VPS45: variants seen among roughly 807,000 people sequenced by gnomAD.
VPS45 encodes the protein vacuolar protein sorting 45 homolog, also known as vacuolar protein sorting-associated protein 45.
A neutral mutation model predicts 75.9 loss-of-function variants in VPS45; 35 were observed. The ratio of observed to expected loss-of-function variants is 0.46; its 90% CI spans 0.35 to 0.61. The LOEUF (loss-of-function observed/expected upper bound fraction) is 0.61, where lower values mean the gene tolerates loss of function less well. Among genes scored for constraint, VPS45 ranks in the 20% least tolerant of loss-of-function variants. The pLI is 0.00. For synonymous variants in VPS45, 220 were observed against 238.2 expected (o/e 0.92, Z 0.70); for missense variants, 559 against 685.9 (o/e 0.81, Z 2.07).
In VPS45 at chr1:150,070,071, C is replaced by T. The variant is rs181015876; in HGVS notation, c.228+1307C>T. 6.0e-4 allele frequency among the ~76,000 whole-genome samples: 91 copies of T among 152,256 alleles called. 1 individual carries two copies. The highest frequency in any genetic ancestry group is 1.1e-3 in the Non-Finnish European group (78 of 68,020). ...TCATGCCACGGGACGTTTGCATAGT[C>T]TTCTTCCTCTGCCTGGAACTTAACT... On this transcript the variant is annotated intron_variant, in intron 2 of 14. Coordinates refer to ENST00000644510, the MANE Select transcript of VPS45 (RefSeq NM_007259.5).
At chr1:150,111,539 T>C (rs1553807174) in intron 14 of VPS45, among the ~76,000 whole-genome samples, 2 of 152,122 alleles carry the variant, frequency 1.3e-5, no homozygotes, top group Admixed American at 6.5e-5. Context: ...GAGGATTAAT[T>C]TGGCAGCTAA....
intron 10 of VPS45, among the ~76,000 whole-genome samples, chr1:150,087,639 G>A (rs1053603368): frequency 6.6e-6 from 1 of 152,114 alleles, no homozygotes; most frequent in South Asian, 2.1e-4. Flanking sequence ...GAAGTCAAAG[G>A]ATAAAGTGGG....
intron 3 of VPS45, among the ~76,000 whole-genome samples, chr1:150,072,823 C>CA (rs879964423): frequency 3.5e-4 from 49 of 139,934 alleles, no homozygotes; most frequent in East Asian, 6.1e-4. Flanking sequence ...TCACCCCTGC[C>CA]AAAAAAAAAA....
At chr1:150,101,587 A>C (rs587670149) in intron 13 of VPS45, among the ~76,000 whole-genome samples, 35 of 151,990 alleles carry the variant, frequency 2.3e-4, no homozygotes, top group African/African-American at 8.4e-4. Context: ...TACAAAAATT[A>C]GCCAGGCCTG....
chr1:150,068,413 T>G, intron 1 of VPS45: 1 of 416,182 alleles, frequency 2.4e-6, no homozygotes, highest in Non-Finnish European at 4.2e-6. Context: ...AAAGAGACCA[T>G]GTTTTTTGTT....
intron 13 of VPS45, among the ~76,000 whole-genome samples, chr1:150,097,340 C>T (rs1281659467): frequency 4.0e-5 from 6 of 151,578 alleles, no homozygotes; most frequent in Non-Finnish European, 7.4e-5. Flanking sequence ...CGCCTCACCT[C>T]GTGATCCGCC....
At chr1:150,071,477 T>C (rs1249095790) in intron 2 of VPS45, among the ~76,000 whole-genome samples, 4 of 152,164 alleles carry the variant, frequency 2.6e-5, no homozygotes, top group African/African-American at 9.7e-5. Context: ...ATAGACACAT[T>C]TAATGCTCTA....
At chr1:150,139,514 A>G (rs1431095117) in intron 14 of VPS45, among the ~76,000 whole-genome samples, 1 of 151,974 alleles carries the variant, frequency 6.6e-6, no homozygotes, top group East Asian at 1.9e-4. Context: ...GTAGCATTTT[A>G]TTCCTCTTCA....
intron 14 of VPS45, among the ~76,000 whole-genome samples, chr1:150,141,275 A>G (rs1227332312): frequency 6.6e-6 from 1 of 152,086 alleles, no homozygotes; most frequent in Non-Finnish European, 1.5e-5. Context: ...TTTTTTAATT[A>G]TTATAACACT....
Position 150,076,189 on chromosome 1 carries a change from C to T in VPS45, c.290-44C>T, listed in dbSNP as rs375217721. The T allele has an allele frequency of 1.7e-4, 259 of 1,508,564 alleles. 1 individual carries two copies. Among genetic ancestry groups the T allele is most frequent in the Admixed American group, 3.8e-4 (21 of 55,400 alleles). The allele number at this position is 1,508,564 out of a possible 1,614,324, so 93.4% of individuals were successfully genotyped here. ...TCAGGCCCTTTTACATATATTGCAG[C>T]AGAAATTATCTCCTTTGAGTCAACC... On this transcript the variant is annotated intron_variant, in intron 3 of 14. Coordinates refer to ENST00000644510, the MANE Select transcript of VPS45 (RefSeq NM_007259.5).
At chr1:150,138,859 C>G (rs188882451) in intron 14 of VPS45, among the ~76,000 whole-genome samples, 1 of 152,276 alleles carries the variant, frequency 6.6e-6, no homozygotes, top group East Asian at 1.9e-4. Flanking sequence ...CTCCCTCCGA[C>G]TTCCCACCTC....
Position 150,077,237 on chromosome 1 carries a change from G to A in VPS45, c.576+6G>A, listed in dbSNP as rs782813809. ...GACTTGCAGAGTGCGTTAAGGTATG[G>A]CATTACCTATTCCTGGTTCCAAAAC... On this transcript the variant is annotated splice_donor_region_variant and intron_variant, in intron 6 of 14. Coordinates refer to ENST00000644510, the MANE Select transcript of VPS45 (RefSeq NM_007259.5). The A allele has an allele frequency of 6.2e-7, 1 of 1,606,004 alleles. No individual in the cohort carries two copies. Among genetic ancestry groups the A allele is most frequent in the East Asian group, 2.2e-5 (1 of 44,832 alleles).
At chr1:150,106,504 T>C (rs1553805771) in intron 13 of VPS45, among the ~76,000 whole-genome samples, 1 of 152,098 alleles carries the variant, frequency 6.6e-6, no homozygotes, top group African/African-American at 2.4e-5. Context: ...GAAATGCAAA[T>C]GAAAACCACA....
At chr1:150,097,166 C>T (rs2101578258) in intron 13 of VPS45, among the ~76,000 whole-genome samples, 1 of 150,236 alleles carries the variant, frequency 6.7e-6, no homozygotes, top group East Asian at 2.0e-4. Flanking sequence ...CGGCTCACTG[C>T]AATCCCCGCC....
At chr1:150,081,568 T>G in intron 8 of VPS45, 92 bp downstream of exon 8, 1 of 1,430,234 alleles carries the variant, frequency 7.0e-7, no homozygotes, top group Non-Finnish European at 9.5e-7. Flanking sequence ...GGCATGGGAT[T>G]TCATGTGAAA....
chr1:150,075,744 T>C (rs1413539660), intron 3 of VPS45, among the ~76,000 whole-genome samples: 1 of 152,138 alleles, frequency 6.6e-6, no homozygotes, highest in Non-Finnish European at 1.5e-5. Context: ...CTTACTTCCC[T>C]AGTATTCTCA....
At chr1:150,131,703 A>T (rs1243121968) in intron 14 of VPS45, among the ~76,000 whole-genome samples, 2 of 149,658 alleles carry the variant, frequency 1.3e-5, no homozygotes, top group Admixed American at 6.7e-5. Flanking sequence ...ATTTTTAGCC[A>T]TGCATGATGG....
chr1:150,080,287 G>A (rs994763324), intron 7 of VPS45, among the ~76,000 whole-genome samples: 2 of 151,994 alleles, frequency 1.3e-5, no homozygotes, highest in Non-Finnish European at 2.9e-5. Context: ...TTGGATTACA[G>A]GCATGTGCCA....
intron 3 of VPS45, among the ~76,000 whole-genome samples, chr1:150,072,748 A>G (rs1287127158): frequency 2.0e-5 from 3 of 151,878 alleles, no homozygotes; most frequent in African/African-American, 7.3e-5. Flanking sequence ...TAAAAATTTT[A>G]CATTTTACTT....
Sources: gnomAD v4.1 joint callset for allele counts (sites outside exome capture counted in the v4.1 genomes callset) on GRCh38, gnomAD v4.1.1 for gene constraint, MANE v1.5 for transcripts, NCBI Gene and HGNC (gene_info 2026-07-23, HGNC 2026-07-21) for gene names.